The following PTBP3 variants were observed in gnomAD, a reference collection of about 807,000 sequenced individuals.
The protein encoded by PTBP3 is polypyrimidine tract binding protein 3.
A neutral mutation model predicts 58.7 loss-of-function variants in PTBP3; 20 were observed. That is an observed-to-expected ratio of 0.34 (90% CI 0.24 to 0.50). The LOEUF is 0.50. Ranked by LOEUF, PTBP3 falls within the 20% of genes least tolerant of loss-of-function variation. The pLI, the probability that PTBP3 is intolerant of heterozygous loss-of-function variation, is 0.98. For missense variants in PTBP3, 509 were observed against 637.2 expected, an observed-to-expected ratio of 0.80 and a Z score of 2.17; for synonymous variants, 185 against 219.8, an observed-to-expected ratio of 0.84 and a Z score of 1.40.
At chr9:112,326,195 A>G (rs190827042) in intron 1 of PTBP3, among the ~76,000 whole-genome samples, 2 of 152,338 alleles carry the variant, frequency 1.3e-5, no homozygotes, top group East Asian at 3.9e-4. Flanking sequence ...TGTACCCTTA[A>G]GACATGTGCA....
intron 4 of PTBP3, among the ~76,000 whole-genome samples, chr9:112,263,985 A>AC (rs2132137204): frequency 6.6e-6 from 1 of 152,282 alleles, no homozygotes; most frequent in East Asian, 1.9e-4. Flanking sequence ...CTGTCTCAAA[A>AC]AAAAAAAAGT....
At chr9:112,320,291 AATATAT>A (rs1288195199) in intron 1 of PTBP3, among the ~76,000 whole-genome samples, 4 of 73,568 alleles carry the variant, frequency 5.4e-5, no homozygotes, top group African/African-American at 3.6e-4. Flanking sequence ...AAAAAAAAAA[AATATAT>A]ATATATATAT....
chr9:112,330,023 T>G (rs1314112890), intron 1 of PTBP3, among the ~76,000 whole-genome samples: 1 of 152,014 alleles, frequency 6.6e-6, no homozygotes, highest in Non-Finnish European at 1.5e-5. Flanking sequence ...TTTTTTTATT[T>G]TTATTTTTAA....
At chr9:112,325,674 AATCAGAC>A (rs1390185697) in intron 1 of PTBP3, among the ~76,000 whole-genome samples, 1 of 152,076 alleles carries the variant, frequency 6.6e-6, no homozygotes, top group African/African-American at 2.4e-5. Context: ...GAGTAAAAGA[AATCAGAC>A]ATCAAAGAGC....
chr9:112,235,721 T>C (rs912954096), intron 7 of PTBP3, among the ~76,000 whole-genome samples: 4 of 152,024 alleles, frequency 2.6e-5, no homozygotes, highest in African/African-American at 9.7e-5. Context: ...GAAATAAATG[T>C]GAAAGCCATA....
At chr9:112,253,241 A>T (rs763656156) in intron 5 of PTBP3, among the ~76,000 whole-genome samples, 2 of 152,226 alleles carry the variant, frequency 1.3e-5, no homozygotes, top group Admixed American at 6.5e-5. Flanking sequence ...CAGAGACAAA[A>T]GTCTATGCCC....
chr9:112,315,778 T>C (rs1587880214), intron 1 of PTBP3, among the ~76,000 whole-genome samples: 2 of 152,342 alleles, frequency 1.3e-5, no homozygotes, highest in African/African-American at 4.8e-5. Flanking sequence ...ACACAAATTA[T>C]TTCAAACAGA....
intron 7 of PTBP3, among the ~76,000 whole-genome samples, chr9:112,238,608 T>C (rs1835524145): frequency 6.6e-6 from 1 of 151,984 alleles, no homozygotes; most frequent in South Asian, 2.1e-4. Flanking sequence ...AATCCTTAAA[T>C]GAATACATCA....
At position 112,220,576 on chromosome 9, in the gene PTBP3, C is replaced by T; in HGVS notation, c.*3275G>A. The T allele has an allele frequency of 1.0e-6, 1 of 1,004,162 alleles. No homozygotes were observed. The highest frequency in any genetic ancestry group is 1.2e-6 in the Non-Finnish European group (1 of 840,924). 62.2% of individuals were successfully genotyped at this position (1,004,162 alleles called of 1,614,324 possible). A position where few individuals can be genotyped will look rare whatever the true frequency, so the allele number is the denominator to read the frequency against. On this transcript the variant is annotated 3_prime_UTR_variant, in exon 14 of 14. Coordinates refer to ENST00000374257, the MANE Select transcript of PTBP3 (RefSeq NM_001163788.4). ...TTTTAACAGTAAATCAGAAACATTA[C>T]TTCAAATAATTGATTTCAATATTTA...
rs1564378365 is a variant in PTBP3, at chr9:112,218,942, G to A, written c.*4909C>T. 1 of 152,266 alleles carries A rather than the reference G, an allele frequency of 6.6e-6. No homozygotes were observed. Among genetic ancestry groups the A allele is most frequent in the Admixed American group, 6.6e-5 (1 of 15,262 alleles). 9.4% of individuals were successfully genotyped at this position (152,266 alleles called of 1,614,324 possible). A position where few individuals can be genotyped will look rare whatever the true frequency, so the allele number is the denominator to read the frequency against. ...CGTAAAACACCAGACAATGTCAGAG[G>A]CTCCTAGCTGTGCTATTTTTTTTTT... On this transcript the variant is annotated 3_prime_UTR_variant, in exon 14 of 14. Transcript: ENST00000374257.
chr9:112,230,735 T>C (rs1835166971), intron 10 of PTBP3, among the ~76,000 whole-genome samples: 1 of 152,218 alleles, frequency 6.6e-6, no homozygotes. Flanking sequence ...TAATCATGTT[T>C]TATGGAAAAA....
At chr9:112,298,463 A>T in intron 1 of PTBP3, 3 of 436,720 alleles carry the variant, frequency 6.9e-6, no homozygotes, top group South Asian at 5.3e-5. Flanking sequence ...AAGAGTTTTG[A>T]TCAACTTCCA....
chr9:112,248,216 A>T (rs1230762326), intron 7 of PTBP3, among the ~76,000 whole-genome samples: 1 of 152,218 alleles, frequency 6.6e-6, no homozygotes, highest in African/African-American at 2.4e-5. Flanking sequence ...AACAAACTTG[A>T]CAACGTAAAA....
At chr9:112,263,153 T>C (rs114226485) in intron 4 of PTBP3, among the ~76,000 whole-genome samples, 1,711 of 152,264 alleles carry the variant, frequency 0.011, 37 homozygotes, top group African/African-American at 0.039. Flanking sequence ...CAAAAGGACA[T>C]AGAAACCAGC....
At chr9:112,377,660 T>A in the PTBP3 span, among the ~76,000 whole-genome samples, 1 of 152,226 alleles carries the variant, frequency 6.6e-6, no homozygotes, top group African/African-American at 2.4e-5. Context: ...GAATGTGTTG[T>A]AACCAGTAGT....
At chr9:112,244,252 T>G (rs1349441020) in intron 7 of PTBP3, among the ~76,000 whole-genome samples, 2 of 113,226 alleles carry the variant, frequency 1.8e-5, no homozygotes, top group Admixed American at 1.2e-4. Flanking sequence ...ATCATGACAC[T>G]GCACTCCAGC....
intron 3 of PTBP3, among the ~76,000 whole-genome samples, chr9:112,269,151 C>A (rs1243542127): frequency 6.9e-6 from 1 of 144,510 alleles, no homozygotes; most frequent in Non-Finnish European, 1.5e-5. Context: ...GAGCCGAGAT[C>A]GCGCCATTGC....
intron 1 of PTBP3, among the ~76,000 whole-genome samples, chr9:112,303,956 C>T (rs187852058): frequency 7.9e-5 from 12 of 152,086 alleles, no homozygotes; most frequent in East Asian, 1.9e-4. Flanking sequence ...CACTTGAGGT[C>T]GGGAGTTCAA....
chr9:112,227,312 C>T, intron 12 of PTBP3, 99 bp downstream of exon 12: 1 of 1,278,860 alleles, frequency 7.8e-7, no homozygotes, highest in Non-Finnish European at 1.1e-6. Flanking sequence ...ACCAGGACAA[C>T]TGCTAGGTTA....
Sources: allele counts gnomAD v4.1 joint callset (sites outside exome capture counted in the v4.1 genomes callset), GRCh38; gene constraint gnomAD v4.1.1; transcripts MANE v1.5; gene names NCBI Gene and HGNC (gene_info 2026-07-23, HGNC 2026-07-21).